EVC: variants seen among roughly 807,000 people sequenced by gnomAD.
EVC encodes EvC ciliary complex subunit 1, also known as evC complex member EVC.
In EVC, 116 loss-of-function variants were observed where a neutral mutation model predicts 118.9. That is an observed-to-expected ratio of 0.98 (90% CI 0.84 to 1.14). The LOEUF is 1.14. Among genes scored for constraint, EVC ranks in the 50% most tolerant of loss-of-function variants. The pLI, the probability that EVC is intolerant of heterozygous loss-of-function variation, is 0.00. For missense variants in EVC, 1,401 were observed against 1,246.4 expected (o/e 1.12, Z -1.87); for synonymous variants, 619 against 534.7 (o/e 1.16, Z -2.18).
At chr4:5,727,989 T>C (rs1726141548) in intron 2 of EVC, among the ~76,000 whole-genome samples, 1 of 151,066 alleles carries the variant, frequency 6.6e-6, no homozygotes, top group East Asian at 1.9e-4. Flanking sequence ...TGTAGTATAG[T>C]TTGAAGTCAG....
rs555279068 is a variant in EVC, at chr4:5,746,164, G to T, written c.939+823G>T. 2.6e-5 allele frequency among the ~76,000 whole-genome samples: 4 copies of T among 152,324 alleles called. No homozygotes were observed. The highest frequency in any genetic ancestry group is 9.6e-5 in the African/African-American group (4 of 41,586). ...GAGGGCTTGTTTGTGTCTTAAGCCA[G>T]CGAGATGGGAGTGTCTATTGCCAGC... On this transcript the variant is annotated intron_variant, in intron 7 of 20. Coordinates refer to ENST00000264956, the MANE Select transcript of EVC (RefSeq NM_153717.3). This position sits in a 1 kb window ranked among gnomAD's most constrained non-coding sequence, Gnocchi z 5.8.
In EVC at chr4:5,809,562, A is replaced by C. The variant is rs1478690927; in HGVS notation, c.2733A>C (p.Arg911=). Residue 911 remains arginine, a synonymous_variant, in exon 19 of 21, where the codon CGA becomes CGC. Coordinates refer to ENST00000264956, the MANE Select transcript of EVC (RefSeq NM_153717.3). ...TCTCCGAGCTGGCAGCCTTGGCCCG[A>C]GTGCCCCTTGCTGAAAGCAAACTGT... ...NFISELAALA[R]VPLAESKLLP... 1 of 1,614,192 alleles carries C rather than the reference A, an allele frequency of 6.2e-7. No individual in the cohort carries two copies. The highest frequency in any genetic ancestry group is 1.7e-5 in the Admixed American group (1 of 60,022).
the EVC span, chr4:5,825,776 GCA>G: frequency 0.18 from 157,838 of 894,286 alleles, 19,681 homozygotes; most frequent in African/African-American, 0.56. The surrounding 1 kb of genome is among the most constrained non-coding windows in gnomAD (Gnocchi z 4.4). Flanking sequence ...AAATGTGCAT[GCA>G]CACACACACA....
At chr4:5,828,540 C>T in the EVC span, 17 of 1,614,220 alleles carry the variant, frequency 1.1e-5, no homozygotes, top group East Asian at 6.7e-5. Flanking sequence ...ACGCCTTCCG[C>T]GGAATGAAGC....
At chr4:5,741,171 A>G (rs1728510820) in intron 5 of EVC, among the ~76,000 whole-genome samples, 1 of 152,222 alleles carries the variant, frequency 6.6e-6, no homozygotes, top group South Asian at 2.1e-4. Flanking sequence ...CCAAACTGGA[A>G]ATAATCCAGA....
In EVC at chr4:5,753,836, T is replaced by C. The variant is rs773408319; in HGVS notation, c.1367T>C (p.Val456Ala). The change falls in exon 10 of 21, where the codon GTG becomes GCG. Residue 456 changes from valine to alanine, a missense_variant. Coordinates refer to ENST00000264956, the MANE Select transcript of EVC (RefSeq NM_153717.3). ...GTCACGGCGTCTCTGGCTCACCAGG[T>C]GGAGGGAACGGCAAAACTCACGCTG... ...DLVTASLAHQ[V>A]EGTAKLTLAQ... is the part of the protein sequence containing the mutation. The C allele has an allele frequency of 5.0e-6, 8 of 1,613,830 alleles. No homozygotes were observed. In the African/African-American group the frequency reaches 6.7e-5, roughly 13 times the overall value.
At chr4:5,797,421 G>C (rs1714183965) in intron 14 of EVC, 189 bp downstream of exon 14, 1 of 626,960 alleles carries the variant, frequency 1.6e-6, no homozygotes, top group Non-Finnish European at 2.9e-6. Flanking sequence ...ACATTTCCCT[G>C]CTCACCATCC....
intron 2 of EVC, among the ~76,000 whole-genome samples, chr4:5,726,404 C>T (rs1296232199): frequency 6.6e-6 from 1 of 151,990 alleles, no homozygotes; most frequent in Non-Finnish European, 1.5e-5. Context: ...GAGGATGACC[C>T]AAGAGGAGAG....
At chr4:5,805,073 C>T (rs1715651387) in intron 17 of EVC, among the ~76,000 whole-genome samples, 1 of 151,718 alleles carries the variant, frequency 6.6e-6, no homozygotes. Context: ...GCTTCATTCC[C>T]AGGTTTAAGT....
chr4:5,827,724 T>C, the EVC span, among the ~76,000 whole-genome samples: 7 of 127,584 alleles, frequency 5.5e-5, no homozygotes, highest in Non-Finnish European at 1.1e-4. Flanking sequence ...CATACACACA[T>C]GTGCGCGTGC....
At chr4:5,752,695 G>T (rs1218296682) in intron 8 of EVC, 141 bp from the exon 9 acceptor site, 3 of 836,066 alleles carry the variant, frequency 3.6e-6, no homozygotes, top group Admixed American at 3.9e-5. Context: ...AAGGAGAGGG[G>T]GAGTTCATCC....
rs200214299 is a variant in EVC, at chr4:5,810,357, A to C, written c.2801A>C (p.Lys934Thr). The change falls in exon 20 of 21, where the codon AAA (lysine) becomes ACA (threonine). Residue 934 changes from lysine to threonine, a missense_variant. Transcript: ENST00000264956. Reference sequence around the variant, plus strand: ...TCTACAGAGAAGCCCCTAAGGACTAAAAGGAAGAAGCCCCTGCCCCAGGAA... The same window carrying C: ...TCTACAGAGAAGCCCCTAAGGACTACAAGGAAGAAGCCCCTGCCCCAGGAA... Reference protein sequence around the residue: ...RGLLEKPLRTKRKKPLPQERG... With the variant: ...RGLLEKPLRTTRKKPLPQERG... 2 of 1,613,772 alleles carry C rather than the reference A, an allele frequency of 1.2e-6. No individual in the cohort carries two copies. Among genetic ancestry groups the C allele is most frequent in the African/African-American group, 1.3e-5 (1 of 75,042 alleles).
At chr4:5,802,690 T>C (rs1479907798) in intron 16 of EVC, among the ~76,000 whole-genome samples, 1 of 152,132 alleles carries the variant, frequency 6.6e-6, no homozygotes, top group Non-Finnish European at 1.5e-5. Context: ...CATGTGCAGT[T>C]TGAAATAGGG....
rs567383582 is a variant in EVC at position 5,743,701 on chromosome 4, A to G, written c.802-1503A>G. On this transcript the variant is annotated intron_variant, in intron 6 of 20. Transcript: ENST00000264956. The surrounding 1 kb of genome is among the most constrained non-coding windows in gnomAD (Gnocchi z 4.7). Reference sequence around the variant, plus strand: ...CATCCCAGGAAGGAGGAAGGACATCATCATCTTCACTGTCATCCTCAGTAT... The same window carrying G: ...CATCCCAGGAAGGAGGAAGGACATCGTCATCTTCACTGTCATCCTCAGTAT... Among the ~76,000 whole-genome samples the G allele has an allele frequency of 2.6e-5, 4 of 152,192 alleles. No homozygotes were observed. The highest frequency in any genetic ancestry group is 4.4e-5 in the Non-Finnish European group (3 of 68,036).
intron 15 of EVC, chr4:5,801,629 G>A (rs566041478): frequency 7.3e-5 from 23 of 315,886 alleles, no homozygotes; most frequent in African/African-American, 2.9e-4. Context: ...GCAGTGGGCC[G>A]AGATTGTGCT....
chr4:5,748,347 G>A lies in EVC; in HGVS notation c.1098+41G>A, dbSNP rs201991931. The A allele has an allele frequency of 5.0e-6, 8 of 1,610,132 alleles. No homozygotes were observed. The East Asian group carries it at 1.8e-4, about 36-fold the overall frequency. On this transcript the variant is annotated intron_variant, in intron 8 of 20. Transcript: ENST00000264956. ...GCGGGAGGGAACATAAAGATATTCA[G>A]ACTAGAGATATGGAATCCTGAGGCT... is the stretch of plus-strand genomic sequence containing the variant.
At chr4:5,785,846 C>T (rs564302365) in intron 12 of EVC, among the ~76,000 whole-genome samples, 1 of 152,218 alleles carries the variant, frequency 6.6e-6, no homozygotes, top group Non-Finnish European at 1.5e-5. Flanking sequence ...AAGCTGAATT[C>T]TTCCTATTCA....
intron 11 of EVC, among the ~76,000 whole-genome samples, chr4:5,759,892 A>G (rs1184123019): frequency 1.3e-5 from 2 of 152,158 alleles, no homozygotes; most frequent in Admixed American, 6.5e-5. Context: ...GGTTTTATAC[A>G]TTTTAGGGAG....
chr4:5,741,272 G>T (rs1470776411), intron 5 of EVC, among the ~76,000 whole-genome samples: 5 of 152,210 alleles, frequency 3.3e-5, no homozygotes, highest in Non-Finnish European at 7.3e-5. Context: ...GTTCTTCCTA[G>T]TTTAAAGGAC....
Sources: gnomAD v4.1 joint callset for allele counts (sites outside exome capture counted in the v4.1 genomes callset) on GRCh38, gnomAD v4.1.1 for gene constraint, Gnocchi (gnomAD v3.1) non-coding constraint, MANE v1.5 for transcripts, NCBI Gene and HGNC (gene_info 2026-07-23, HGNC 2026-07-21) for gene names.